Variants in HS3ST5 observed in about 807,000 individuals in gnomAD.
The protein encoded by HS3ST5 is heparan sulfate-glucosamine 3-sulfotransferase 5.
Under a neutral mutation model 25.4 loss-of-function variants are expected in HS3ST5, and 10 were observed. The ratio of observed to expected loss-of-function variants is 0.39; its 90% CI spans 0.24 to 0.67. The LOEUF (loss-of-function observed/expected upper bound fraction) is 0.67, where lower values mean the gene tolerates loss of function less well. Among genes scored for constraint, HS3ST5 ranks in the 30% least tolerant of loss-of-function variants. HS3ST5 has a pLI of 0.44. For synonymous variants in HS3ST5, 170 were observed against 162.4 expected (o/e 1.05, Z -0.36); for missense variants, 324 against 420.7 (o/e 0.77, Z 2.01).
chr6:114,068,431 G>A (rs904530275), intron 3 of HS3ST5, among the ~76,000 whole-genome samples: 3 of 152,126 alleles, frequency 2.0e-5, no homozygotes, highest in Admixed American at 6.6e-5. Flanking sequence ...AAAGATATCC[G>A]GTTAATTTAA....
At chr6:114,308,112 G>C (rs1053525152) in intron 1 of HS3ST5, among the ~76,000 whole-genome samples, 5 of 152,084 alleles carry the variant, frequency 3.3e-5, no homozygotes, top group African/African-American at 9.7e-5. Context: ...AGAGAAAAAT[G>C]ATCATTGTAA....
chr6:114,149,210 A>C (rs1323846685), intron 3 of HS3ST5, among the ~76,000 whole-genome samples: 1 of 152,228 alleles, frequency 6.6e-6, no homozygotes, highest in Non-Finnish European at 1.5e-5. Context: ...ATACCATTTG[A>C]CTCAGCAATC....
chr6:114,108,446 A>G (rs1368981260), intron 3 of HS3ST5, among the ~76,000 whole-genome samples: 1 of 152,164 alleles, frequency 6.6e-6, no homozygotes, highest in Non-Finnish European at 1.5e-5. Flanking sequence ...CACCTATGAA[A>G]ATGCCCGAGG....
rs544398655 is a variant in HS3ST5, at chr6:114,125,070, A to AT, written c.-33+43280dup. 1.8e-4 allele frequency among the ~76,000 whole-genome samples: 28 copies of AT among 152,272 alleles called. 1 individual carries two copies. Among genetic ancestry groups the AT allele is most frequent in the African/African-American group, 4.8e-4 (20 of 41,562 alleles). The stretch of plus-strand genomic sequence containing the variant: ...GGGGAAAGCAAATAAAATATCATTG[A>AT]TTTTTTCTCTGGAAGATGTGATTTT... On this transcript the variant is annotated intron_variant, in intron 3 of 4. Coordinates refer to ENST00000312719, the MANE Select transcript of HS3ST5 (RefSeq NM_153612.4).
chr6:114,244,943 G>C (rs1196833651), intron 1 of HS3ST5, among the ~76,000 whole-genome samples: 1 of 152,164 alleles, frequency 6.6e-6, no homozygotes, highest in Non-Finnish European at 1.5e-5. Context: ...AACAGTATTT[G>C]ATCTCATGAT....
At chr6:114,134,714 C>A (rs1480816561) in intron 3 of HS3ST5, among the ~76,000 whole-genome samples, 1 of 152,218 alleles carries the variant, frequency 6.6e-6, no homozygotes, top group Non-Finnish European at 1.5e-5. Context: ...TGGAAAGCAT[C>A]ATTCCTATCT....
intron 3 of HS3ST5, among the ~76,000 whole-genome samples, chr6:114,128,707 C>T (rs954360785): frequency 3.9e-5 from 6 of 152,160 alleles, no homozygotes; most frequent in African/African-American, 1.2e-4. Context: ...GAGTACTGAA[C>T]CAGCTTAGGA....
chr6:114,129,651 AT>A (rs1163878608), intron 3 of HS3ST5, among the ~76,000 whole-genome samples: 2 of 152,176 alleles, frequency 1.3e-5, no homozygotes, highest in Non-Finnish European at 2.9e-5. Flanking sequence ...ATCACCGAAA[AT>A]TCTCTGGGGT....
chr6:114,290,363 A>G (rs9488366), intron 1 of HS3ST5, among the ~76,000 whole-genome samples: 2 of 152,086 alleles, frequency 1.3e-5, no homozygotes, highest in African/African-American at 4.8e-5. Flanking sequence ...CAGAATAATC[A>G]ATAAACCATT....
At chr6:114,152,796 C>A (rs1226120499) in intron 3 of HS3ST5, among the ~76,000 whole-genome samples, 1 of 152,278 alleles carries the variant, frequency 6.6e-6, no homozygotes, top group Non-Finnish European at 1.5e-5. Context: ...GTCTCTACTG[C>A]GAGGGATGTA....
chr6:114,247,235 A>T (rs1345955892), intron 1 of HS3ST5, among the ~76,000 whole-genome samples: 1 of 152,178 alleles, frequency 6.6e-6, no homozygotes, highest in Non-Finnish European at 1.5e-5. Context: ...CATGAATTTA[A>T]CACAAGGAAT....
chr6:114,111,115 G>GA (rs1479026808), intron 3 of HS3ST5, among the ~76,000 whole-genome samples: 2 of 151,836 alleles, frequency 1.3e-5, no homozygotes, highest in Admixed American at 6.6e-5. Context: ...TACTGCTTTG[G>GA]AAAAAAGTAT....
intron 1 of HS3ST5, among the ~76,000 whole-genome samples, chr6:114,295,159 A>G (rs1774761385): frequency 6.6e-6 from 1 of 152,206 alleles, no homozygotes; most frequent in African/African-American, 2.4e-5. Flanking sequence ...TCTCATTGTT[A>G]TGTACTCACA....
intron 1 of HS3ST5, among the ~76,000 whole-genome samples, chr6:114,309,379 C>T (rs551478774): frequency 6.2e-4 from 95 of 152,238 alleles, no homozygotes; most frequent in African/African-American, 2.1e-3. Flanking sequence ...TAAAATGTTA[C>T]CCAATATAAT....
At chr6:114,102,943 G>A (rs1775803196) in intron 3 of HS3ST5, among the ~76,000 whole-genome samples, 1 of 152,026 alleles carries the variant, frequency 6.6e-6, no homozygotes, top group South Asian at 2.1e-4. Flanking sequence ...TTTAGTGACT[G>A]TAAAGAATTT....
At chr6:114,185,823 C>T (rs144458323) in intron 2 of HS3ST5, among the ~76,000 whole-genome samples, 8 of 151,522 alleles carry the variant, frequency 5.3e-5, no homozygotes, top group African/African-American at 1.9e-4. Flanking sequence ...CACGCAGCCT[C>T]AAACTCCAAG....
At chr6:114,230,678 T>G (rs757457522) in intron 1 of HS3ST5, among the ~76,000 whole-genome samples, 13 of 151,596 alleles carry the variant, frequency 8.6e-5, no homozygotes, top group Non-Finnish European at 1.6e-4. Flanking sequence ...CCCCCCATCT[T>G]CTGGGTTCAA....
intron 3 of HS3ST5, among the ~76,000 whole-genome samples, chr6:114,091,395 T>C (rs1420368103): frequency 1.3e-5 from 2 of 152,158 alleles, no homozygotes; most frequent in Non-Finnish European, 2.9e-5. Context: ...TACTAAGCAG[T>C]GGCTGGGTGC....
At chr6:114,173,720 G>A (rs977094268) in intron 2 of HS3ST5, among the ~76,000 whole-genome samples, 2 of 152,058 alleles carry the variant, frequency 1.3e-5, no homozygotes, top group Non-Finnish European at 2.9e-5. Context: ...TTACTTGGAC[G>A]TAGTCGCGGG....
Sources: gnomAD v4.1 joint callset for allele counts (sites outside exome capture counted in the v4.1 genomes callset) on GRCh38, gnomAD v4.1.1 for gene constraint, MANE v1.5 for transcripts, NCBI Gene and HGNC (gene_info 2026-07-23, HGNC 2026-07-21) for gene names.